CHLSN: variants seen among roughly 807,000 people sequenced by gnomAD.
The protein encoded by CHLSN is cholesin.
At chr7:1,018,621 T>C in the CHLSN span, among the ~76,000 whole-genome samples, 1 of 152,236 alleles carries the variant, frequency 6.6e-6, no homozygotes, top group African/African-American at 2.4e-5. Context: ...GTGGTCTTTA[T>C]GTAAATCAGG....
chr7:1,063,988 G>C, the CHLSN span, among the ~76,000 whole-genome samples: 2 of 152,262 alleles, frequency 1.3e-5, no homozygotes, highest in East Asian at 1.9e-4. Context: ...CTGCAGAGGT[G>C]GGGGGCAGGG....
chr7:1,058,293 A>G, the CHLSN span: 1 of 774,298 alleles, frequency 1.3e-6, no homozygotes, highest in East Asian at 2.4e-5. Flanking sequence ...CACGGTCATC[A>G]TCTCGCGAGG....
the CHLSN span, among the ~76,000 whole-genome samples, chr7:1,060,002 G>GTAGTGGGGCGGGTCT: frequency 4.3e-3 from 56 of 13,172 alleles, 1 homozygote; most frequent in Middle Eastern, 0.033. Flanking sequence ...GGGCGGGTCT[G>GTAGTGGGGCGGGTCT]TAGTGGGGCG....
the CHLSN span, among the ~76,000 whole-genome samples, chr7:1,101,594 C>T: frequency 1.3e-5 from 2 of 152,238 alleles, no homozygotes. Flanking sequence ...GTCTGATTCT[C>T]GCCGGGATCA....
chr7:1,028,080 C>T, the CHLSN span, among the ~76,000 whole-genome samples: 27 of 151,826 alleles, frequency 1.8e-4, no homozygotes, highest in Admixed American at 1.8e-3. Context: ...AGCGGAGCCC[C>T]GAGAAGCGCG....
chr7:994,239 C>G, the CHLSN span, among the ~76,000 whole-genome samples: 3 of 152,152 alleles, frequency 2.0e-5, no homozygotes, highest in African/African-American at 7.2e-5. Context: ...CTCACTGCAA[C>G]CTCTGCCTCC....
At chr7:1,040,927 C>T in the CHLSN span, among the ~76,000 whole-genome samples, 5 of 152,384 alleles carry the variant, frequency 3.3e-5, no homozygotes, top group East Asian at 5.8e-4. Flanking sequence ...AGCCGCGCTC[C>T]GTGAGTGAGT....
At chr7:1,058,185 A>C in the CHLSN span, 42 of 741,538 alleles carry the variant, frequency 5.7e-5, no homozygotes, top group Middle Eastern at 9.1e-4. Context: ...GGACCGGGAC[A>C]CGGGCCGGCT....
the CHLSN span, among the ~76,000 whole-genome samples, chr7:1,004,699 C>T: frequency 1.3e-5 from 2 of 152,330 alleles, no homozygotes; most frequent in South Asian, 2.1e-4. Flanking sequence ...GAGTGATGGC[C>T]GCCTCTGCCA....
the CHLSN span, among the ~76,000 whole-genome samples, chr7:992,179 G>A: frequency 0.015 from 2,240 of 151,388 alleles, 124 homozygotes; most frequent in East Asian, 0.21. Flanking sequence ...CGCCGACCCC[G>A]GCCCCTGTAC....
chr7:1,120,645 G>A, the CHLSN span, among the ~76,000 whole-genome samples: 1 of 152,184 alleles, frequency 6.6e-6, no homozygotes, highest in South Asian at 2.1e-4. Context: ...CAGCAATTCC[G>A]GTCCTCGGAA....
chr7:1,037,350 C>T, the CHLSN span, among the ~76,000 whole-genome samples: 2 of 135,768 alleles, frequency 1.5e-5, 1 homozygote, highest in South Asian at 4.9e-4. Context: ...ACTGCAACCT[C>T]CCTGCCTGAT....
the CHLSN span, among the ~76,000 whole-genome samples, chr7:1,120,893 C>T: frequency 6.6e-6 from 1 of 151,754 alleles, no homozygotes; most frequent in Non-Finnish European, 1.5e-5. Context: ...GCAGCAGGGC[C>T]GACAGGCGGC....
the CHLSN span, among the ~76,000 whole-genome samples, chr7:1,042,171 A>G: frequency 6.6e-6 from 1 of 151,992 alleles, no homozygotes; most frequent in Admixed American, 6.5e-5. Context: ...CACGGCACAC[A>G]ACCACAGAGG....
chr7:1,107,597 C>G, the CHLSN span, among the ~76,000 whole-genome samples: 3 of 152,254 alleles, frequency 2.0e-5, no homozygotes, highest in Non-Finnish European at 4.4e-5. Context: ...GACAGAACTA[C>G]TGGACAGGGC....
the CHLSN span, among the ~76,000 whole-genome samples, chr7:1,101,843 G>T: frequency 6.6e-6 from 1 of 152,266 alleles, no homozygotes; most frequent in Admixed American, 6.5e-5. Flanking sequence ...CGCGGACACA[G>T]CACGAAGCCC....
the CHLSN span, among the ~76,000 whole-genome samples, chr7:1,000,040 C>T: frequency 6.6e-5 from 10 of 152,232 alleles, no homozygotes; most frequent in African/African-American, 1.7e-4. Flanking sequence ...ACACGTCACA[C>T]GCACACGTGC....
At chr7:1,058,115 A>G in the CHLSN span, 1 of 761,916 alleles carries the variant, frequency 1.3e-6, no homozygotes, top group Admixed American at 1.7e-5. Context: ...TGGTGCCAGC[A>G]CTGGCCACCC....
the CHLSN span, chr7:988,363 C>A: frequency 6.2e-7 from 1 of 1,612,704 alleles, no homozygotes; most frequent in East Asian, 2.2e-5. Flanking sequence ...CCGGCCATTT[C>A]CTGGACGCGA....
Sources: allele counts gnomAD v4.1 joint callset (sites outside exome capture counted in the v4.1 genomes callset), GRCh38; gene constraint gnomAD v4.1.1; transcripts MANE v1.5; gene names NCBI Gene and HGNC (gene_info 2026-07-23, HGNC 2026-07-21).